The following SLC8A1 variants were observed in gnomAD, a reference collection of about 807,000 sequenced individuals.
SLC8A1 encodes sodium/calcium exchanger 1.
Under a neutral mutation model 68.3 loss-of-function variants are expected in SLC8A1, and 18 were observed. That is an observed-to-expected ratio of 0.26 (90% CI 0.18 to 0.39). The LOEUF is 0.39. Among genes scored for constraint, SLC8A1 ranks in the 10% least tolerant of loss-of-function variants. SLC8A1 has a pLI of 1.00. For missense variants in SLC8A1, 985 were observed against 1,156.7 expected (o/e 0.85, Z 2.15); for synonymous variants, 475 against 415.5 (o/e 1.14, Z -1.74).
At chr2:40,184,898 CA>C (rs66662572) in intron 2 of SLC8A1, among the ~76,000 whole-genome samples, 6,460 of 106,690 alleles carry the variant, frequency 0.061, 92 homozygotes, top group African/African-American at 0.1. Flanking sequence ...TAACCAAAAA[CA>C]AAAAAAAAAA....
chr2:40,218,142 A>G (rs1451457620), intron 2 of SLC8A1, among the ~76,000 whole-genome samples: 1 of 152,234 alleles, frequency 6.6e-6, no homozygotes, highest in African/African-American at 2.4e-5. Flanking sequence ...GTTATTAATG[A>G]AAGTTTCAGC....
intron 2 of SLC8A1, among the ~76,000 whole-genome samples, chr2:40,353,861 AC>A (rs1671870071): frequency 6.6e-6 from 1 of 152,182 alleles, no homozygotes; most frequent in South Asian, 2.1e-4. Context: ...AGAGGGAGGC[AC>A]CAGATTAGAA....
At chr2:40,399,200 A>C (rs780388500) in intron 2 of SLC8A1, among the ~76,000 whole-genome samples, 3 of 152,196 alleles carry the variant, frequency 2.0e-5, no homozygotes, top group Non-Finnish European at 4.4e-5. Context: ...TTTTTATTAG[A>C]TTAAGCTTCC....
chr2:40,174,126 A>C (rs1419120690), intron 4 of SLC8A1, among the ~76,000 whole-genome samples: 1 of 152,090 alleles, frequency 6.6e-6, no homozygotes, highest in Non-Finnish European at 1.5e-5. Context: ...TTAATACTAA[A>C]ACCTAAGTCC....
chr2:40,458,309 C>A (rs1703142804), intron 1 of SLC8A1, among the ~76,000 whole-genome samples: 1 of 152,086 alleles, frequency 6.6e-6, no homozygotes, highest in Non-Finnish European at 1.5e-5. Context: ...ATTCACCTGA[C>A]ATAAGCAGAT....
chr2:40,412,535 T>C (rs896580069), intron 2 of SLC8A1, among the ~76,000 whole-genome samples: 9 of 152,166 alleles, frequency 5.9e-5, no homozygotes, highest in South Asian at 2.1e-4. Context: ...TTCTTGACCA[T>C]GGGAATGGAG....
intron 2 of SLC8A1, among the ~76,000 whole-genome samples, chr2:40,225,040 A>G (rs2058796765): frequency 6.6e-6 from 1 of 152,090 alleles, no homozygotes; most frequent in Non-Finnish European, 1.5e-5. Context: ...TGGTTTTTCC[A>G]TTTAAGACAA....
At chr2:40,239,038 T>C (rs1336627428) in intron 2 of SLC8A1, among the ~76,000 whole-genome samples, 1 of 138,634 alleles carries the variant, frequency 7.2e-6, no homozygotes, top group African/African-American at 2.6e-5. Flanking sequence ...TGAATTTTAA[T>C]GAAATTGCAG....
intron 2 of SLC8A1, among the ~76,000 whole-genome samples, chr2:40,328,529 C>T (rs1004609471): frequency 2.6e-5 from 4 of 152,130 alleles, no homozygotes; most frequent in African/African-American, 9.7e-5. Flanking sequence ...GTCATTACTT[C>T]TTGCTGCGAA....
chr2:40,489,914 C>T (rs973647454), intron 1 of SLC8A1, among the ~76,000 whole-genome samples: 3 of 152,032 alleles, frequency 2.0e-5, no homozygotes, highest in Non-Finnish European at 4.4e-5. Flanking sequence ...AGCCATTAGT[C>T]AGATTTTACA....
chr2:40,461,501 AAGG>A (rs1703338869), intron 1 of SLC8A1, among the ~76,000 whole-genome samples: 1 of 152,138 alleles, frequency 6.6e-6, no homozygotes, highest in African/African-American at 2.4e-5. Flanking sequence ...ACTTGCAAGT[AAGG>A]AGGAGGTGAA....
At chr2:40,103,471 C>T (rs2125031833) in exon 8 of SLC8A1, 1 of 152,248 alleles carries the variant, frequency 6.6e-6, no homozygotes, top group African/African-American at 2.4e-5. Flanking sequence ...TCTCATCTTC[C>T]TTTAGAATAA....
intron 2 of SLC8A1, among the ~76,000 whole-genome samples, chr2:40,244,911 C>T (rs903275432): frequency 3.3e-5 from 5 of 152,160 alleles, no homozygotes; most frequent in African/African-American, 1.2e-4. Context: ...AGTCCCAGTG[C>T]ACTCATTCTC....
intron 2 of SLC8A1, among the ~76,000 whole-genome samples, chr2:40,222,783 G>T (rs1011613469): frequency 1.3e-5 from 2 of 152,268 alleles, no homozygotes; most frequent in Admixed American, 6.5e-5. Context: ...ATCATCACTT[G>T]TCATTAGAGA....
At chr2:40,312,227 G>C (rs1456573460) in intron 2 of SLC8A1, among the ~76,000 whole-genome samples, 1 of 152,112 alleles carries the variant, frequency 6.6e-6, no homozygotes, top group African/African-American at 2.4e-5. Flanking sequence ...TCATAGGAAA[G>C]CCCTACTAGT....
intron 2 of SLC8A1, among the ~76,000 whole-genome samples, chr2:40,378,388 T>C (rs1381299964): frequency 6.6e-6 from 1 of 151,962 alleles, no homozygotes; most frequent in Non-Finnish European, 1.5e-5. Context: ...TATGTGTGAG[T>C]AGAAACCTTG....
intron 1 of SLC8A1, among the ~76,000 whole-genome samples, chr2:40,462,001 C>CTTTGTTTTTTTTTTTTTTTTTTTTTTT (rs1703368005): frequency 1.5e-5 from 1 of 66,176 alleles, no homozygotes; most frequent in Non-Finnish European, 2.9e-5. Context: ...TAAAATCCTC[C>CTTTGTTTTTTTTTTTTTTTTTTTTTTT]TTTTTTTTTT....
intron 2 of SLC8A1, among the ~76,000 whole-genome samples, chr2:40,418,426 G>C (rs577971636): frequency 6.6e-6 from 1 of 152,168 alleles, no homozygotes; most frequent in South Asian, 2.1e-4. Context: ...TCCCATATCT[G>C]ATCTTTTGTC....
chr2:40,482,952 G>C (rs1002373856), intron 1 of SLC8A1, among the ~76,000 whole-genome samples: 1 of 146,644 alleles, frequency 6.8e-6, no homozygotes, highest in Non-Finnish European at 1.5e-5. Context: ...CACCACGCCC[G>C]GCTTTTTTTT....
Sources: gnomAD v4.1 joint callset for allele counts (sites outside exome capture counted in the v4.1 genomes callset) on GRCh38, gnomAD v4.1.1 for gene constraint, MANE v1.5 for transcripts, NCBI Gene and HGNC (gene_info 2026-07-23, HGNC 2026-07-21) for gene names.